FMN2: variants seen among roughly 807,000 people sequenced by gnomAD.
FMN2 encodes the protein formin-2.
Under a neutral mutation model 142.3 loss-of-function variants are expected in FMN2, and 51 were observed. The observed-to-expected ratio is 0.36, with a 90% CI of 0.29 to 0.45. FMN2 has a LOEUF of 0.45. FMN2 is among the 20% of genes least tolerant of loss of function. FMN2 has a pLI of 1.00. For synonymous variants in FMN2, 882 were observed against 869.8 expected (o/e 1.01, Z -0.25); for missense variants, 1,936 against 2,122.8 (o/e 0.91, Z 1.73).
chr1:240,407,932 G>T (rs1674267986), intron 15 of FMN2, among the ~76,000 whole-genome samples: 1 of 152,094 alleles, frequency 6.6e-6, no homozygotes, highest in Non-Finnish European at 1.5e-5. Flanking sequence ...ACAGAGAAAG[G>T]GTATTACTGG....
intron 7 of FMN2, among the ~76,000 whole-genome samples, chr1:240,288,934 C>T (rs60909204): frequency 3.5e-3 from 537 of 152,202 alleles, no homozygotes; most frequent in African/African-American, 0.011. Context: ...CCGTAGCCCC[C>T]GCCAACACTG....
chr1:240,220,667 TTGTGTGTGTGTG>T (rs71792127), intron 6 of FMN2, among the ~76,000 whole-genome samples: 3 of 149,196 alleles, frequency 2.0e-5, no homozygotes, highest in East Asian at 2.0e-4. Context: ...GAGTCTGTGT[TTGTGTGTGTGTG>T]TGTGTGTGTG....
intron 3 of FMN2, among the ~76,000 whole-genome samples, chr1:240,179,865 T>C (rs916786032): frequency 6.6e-6 from 1 of 152,224 alleles, no homozygotes; most frequent in Non-Finnish European, 1.5e-5. Flanking sequence ...TTCTGTTCCC[T>C]ACTGTATCAT....
chr1:240,447,948 A>G (rs1484888716), intron 16 of FMN2, among the ~76,000 whole-genome samples: 4 of 152,200 alleles, frequency 2.6e-5, no homozygotes, highest in African/African-American at 9.6e-5. Context: ...TCAGAGTTCT[A>G]AGCATGAGAG....
At chr1:240,146,219 T>TG (rs1663465191) in intron 2 of FMN2, among the ~76,000 whole-genome samples, 1 of 127,090 alleles carries the variant, frequency 7.9e-6, no homozygotes, top group Non-Finnish European at 1.6e-5. Context: ...CCGTCTCTAC[T>TG]AAAAAAAAAA....
At chr1:240,365,984 G>A (rs1337587661) in intron 14 of FMN2, among the ~76,000 whole-genome samples, 1 of 152,126 alleles carries the variant, frequency 6.6e-6, no homozygotes, top group Non-Finnish European at 1.5e-5. Context: ...TGTGGAAAAT[G>A]TGGCACAAAA....
chr1:240,341,964 T>C (rs899193206), intron 13 of FMN2, among the ~76,000 whole-genome samples: 2 of 152,208 alleles, frequency 1.3e-5, no homozygotes, highest in East Asian at 1.9e-4. Context: ...TTGCATGAGT[T>C]TGGGAGACCA....
intron 15 of FMN2, among the ~76,000 whole-genome samples, chr1:240,418,483 C>T (rs1470963056): frequency 2.0e-5 from 3 of 152,304 alleles, no homozygotes; most frequent in African/African-American, 2.4e-5. Flanking sequence ...GCGTGAGCCA[C>T]CACGCCCAGC....
In FMN2 at chr1:240,092,679, G is replaced by A. The variant is rs758374251; in HGVS notation, c.570G>A (p.Thr190=). The change falls in exon 1 of 18, where the codon ACG becomes ACA. Residue 190 remains threonine, a synonymous_variant. Coordinates refer to ENST00000319653, the MANE Select transcript of FMN2 (RefSeq NM_020066.5). ...DTDIYSFHSA[T]EQEDLLSDIQ... The stretch of plus-strand genomic sequence containing the variant: ...ACATCTATAGCTTCCATTCGGCTAC[G>A]GAGCAAGAGGATTTGCTTTCAGACA... 9.3e-6 allele frequency: 15 copies of A among 1,613,968 alleles called. No homozygotes were observed. In the South Asian group the frequency reaches 1.2e-4, roughly 13 times the overall value.
intron 7 of FMN2, among the ~76,000 whole-genome samples, chr1:240,279,728 A>C: frequency 6.6e-6 from 1 of 152,232 alleles, no homozygotes; most frequent in Non-Finnish European, 1.5e-5. Context: ...ATATTTAACT[A>C]ATTCCTCATT....
At chr1:240,376,857 A>G (rs1324561691) in intron 14 of FMN2, among the ~76,000 whole-genome samples, 1 of 152,018 alleles carries the variant, frequency 6.6e-6, no homozygotes, top group Non-Finnish European at 1.5e-5. Context: ...TTCAGTGGTC[A>G]CTCTAGTGGT....
chr1:240,372,007 G>A (rs1354590927), intron 14 of FMN2, among the ~76,000 whole-genome samples: 1 of 152,072 alleles, frequency 6.6e-6, no homozygotes, highest in Non-Finnish European at 1.5e-5. Flanking sequence ...AGGCCGAGGC[G>A]GGTGGATCAC....
Position 240,276,539 on chromosome 1 carries a change from T to A in FMN2, c.4154-18283T>A, listed in dbSNP as rs1000060908. ...GAGATGAGTCAATCATCTGAAATAA[T>A]CATGTGAACACTTAGTTGCACCAAA... is the stretch of plus-strand genomic sequence containing the variant. On this transcript the variant is annotated intron_variant, in intron 7 of 17. Transcript: ENST00000319653. 5.9e-5 allele frequency among the ~76,000 whole-genome samples: 9 copies of A among 152,230 alleles called. No individual in the cohort carries two copies. In the East Asian group the frequency reaches 1.7e-3, roughly 30 times the overall value.
Position 240,092,889 on chromosome 1 carries a change from T to G in FMN2, c.780T>G (p.Ala260=). ...TCCTGCTGGGGCCGAGCGGCGGGGC[T>G]GGGGAGGCCCCGGGCAGTCCGGACA... ...DRFLLGPSGG[A]GEAPGSPDTE... is the part of the protein sequence containing the mutation. The change falls in exon 1 of 18, where the codon GCT becomes GCG. Residue 260 remains alanine (A), a synonymous_variant. Coordinates refer to ENST00000319653, the MANE Select transcript of FMN2 (RefSeq NM_020066.5). The G allele has an allele frequency of 6.6e-7, 1 of 1,517,036 alleles. No individual in the cohort carries two copies. The highest frequency in any genetic ancestry group is 8.8e-7 in the Non-Finnish European group (1 of 1,138,996). 94.0% of individuals were successfully genotyped at this position (1,517,036 alleles called of 1,614,324 possible). A position where few individuals can be genotyped will look rare whatever the true frequency, so the allele number is the denominator to read the frequency against.
chr1:240,292,510 A>G (rs1160753698), intron 7 of FMN2, among the ~76,000 whole-genome samples: 1 of 152,184 alleles, frequency 6.6e-6, no homozygotes, highest in African/African-American at 2.4e-5. Flanking sequence ...CACTTCTAGT[A>G]TACTAGTGTA....
chr1:240,397,663 G>T (rs1337833108), intron 15 of FMN2, among the ~76,000 whole-genome samples: 1 of 151,584 alleles, frequency 6.6e-6, no homozygotes, highest in Non-Finnish European at 1.5e-5. Flanking sequence ...GGTGGTAGGG[G>T]CCTGTAATCC....
intron 6 of FMN2, among the ~76,000 whole-genome samples, chr1:240,223,894 GC>G (rs141839763): frequency 0.34 from 51,102 of 151,724 alleles, 9,123 homozygotes; most frequent in Non-Finnish European, 0.39. Context: ...TATTAGTCTG[GC>G]TAGTGGTCTA....
chr1:240,291,851 T>C (rs1344823493), intron 7 of FMN2, among the ~76,000 whole-genome samples: 1 of 152,192 alleles, frequency 6.6e-6, no homozygotes, highest in Non-Finnish European at 1.5e-5. Flanking sequence ...AAGGATGTTC[T>C]AATAGTTGAA....
intron 1 of FMN2, among the ~76,000 whole-genome samples, chr1:240,116,117 A>G (rs1008478771): frequency 1.3e-5 from 2 of 152,104 alleles, no homozygotes; most frequent in Non-Finnish European, 2.9e-5. Context: ...TTTCATCACC[A>G]TCTTGGTTTT....
Sources: allele counts gnomAD v4.1 joint callset (sites outside exome capture counted in the v4.1 genomes callset), GRCh38; gene constraint gnomAD v4.1.1; transcripts MANE v1.5; gene names NCBI Gene and HGNC (gene_info 2026-07-23, HGNC 2026-07-21).